Variants in WDR5 observed in about 807,000 individuals in gnomAD.
WDR5 encodes the protein WD repeat domain 5, also known as WD repeat-containing protein 5.
For synonymous variants in WDR5, 144 were observed against 161.6 expected (o/e 0.89, Z 0.83); for missense variants, 187 against 416.9 (o/e 0.45, Z 4.80).
Position 134,140,689 on chromosome 9 carries a change from G to A in WDR5, c.82-14G>A. 1 of 1,612,426 alleles carries A rather than the reference G, an allele frequency of 6.2e-7. No homozygotes were observed. Among genetic ancestry groups the A allele is most frequent in the Non-Finnish European group, 8.5e-7 (1 of 1,178,516 alleles). Reference sequence around the variant, plus strand: ...CAGTGGTGGTGACTTTTTGCTAACTGGTCTTTCCTGCAGCCTACACCTGTG... The same window carrying A: ...CAGTGGTGGTGACTTTTTGCTAACTAGTCTTTCCTGCAGCCTACACCTGTG... On this transcript the variant is annotated splice_polypyrimidine_tract_variant and intron_variant, in intron 2 of 13. Coordinates refer to ENST00000358625, the MANE Select transcript of WDR5 (RefSeq NM_017588.3).
At chr9:134,156,400 C>A in intron 12 of WDR5, 106 bp from the exon 13 acceptor site, 3 of 1,143,280 alleles carry the variant, frequency 2.6e-6, no homozygotes, top group Non-Finnish European at 1.3e-6. Flanking sequence ...CAGCCACCAG[C>A]AGGGTGGGCG....
In WDR5 at chr9:134,136,137, T is replaced by G. The variant is rs1362535733; in HGVS notation, c.-122T>G. On this transcript the variant is annotated 5_prime_UTR_variant, in exon 1 of 14. Coordinates refer to ENST00000358625, the MANE Select transcript of WDR5 (RefSeq NM_017588.3). ...CCGCCTTGTCGAGCTGAGTCCGCGC[T>G]CCCGCCCAGGCGGCGGCCGACGCGA... 2.1e-5 allele frequency: 3 copies of G among 143,994 alleles called. No individual in the cohort carries two copies. Among genetic ancestry groups the G allele is most frequent in the Non-Finnish European group, 3.0e-5 (2 of 65,986 alleles). The allele number at this position is 143,994 out of a possible 1,614,324, so 8.9% of individuals were successfully genotyped here. A position where few individuals can be genotyped will look rare whatever the true frequency, so the allele number is the denominator to read the frequency against.
At chr9:134,151,091 A>G (rs1220866568) in intron 8 of WDR5, among the ~76,000 whole-genome samples, 2 of 152,106 alleles carry the variant, frequency 1.3e-5, no homozygotes, top group African/African-American at 4.8e-5. Flanking sequence ...AGAGGACATG[A>G]ATTTGAGATC....
intron 8 of WDR5, among the ~76,000 whole-genome samples, chr9:134,149,966 T>C (rs1335686014): frequency 6.6e-6 from 1 of 152,174 alleles, no homozygotes; most frequent in East Asian, 1.9e-4. Context: ...GAAAAGGGGA[T>C]TGAAGGCCTG....
chr9:134,150,570 G>GA (rs569511044), intron 8 of WDR5, among the ~76,000 whole-genome samples: 2 of 152,050 alleles, frequency 1.3e-5, no homozygotes, highest in Admixed American at 6.5e-5. Flanking sequence ...GTAAGAAAAT[G>GA]AAAAAATAGT....
intron 7 of WDR5, among the ~76,000 whole-genome samples, chr9:134,143,739 TCTC>T (rs1832021695): frequency 6.6e-6 from 1 of 151,312 alleles, no homozygotes. Flanking sequence ...GTGGTTTCGA[TCTC>T]CTGAGCTCGT....
At chr9:134,142,514 G>A (rs889754373) in intron 6 of WDR5, 92 bp downstream of exon 6, 23 of 1,559,390 alleles carry the variant, frequency 1.5e-5, no homozygotes, top group Non-Finnish European at 1.9e-5. Context: ...GAGAAGGCAG[G>A]TGGGCCCTGA....
rs1463439491 is a variant in WDR5 at position 134,140,823 on chromosome 9, T to C, written c.190+12T>C. ...GCTGGCAAGTTCATGTACGTAGCAC[T>C]GAGGCCCTTAGCTGCTGGGAGAGGC... On this transcript the variant is annotated intron_variant, in intron 3 of 13. Coordinates refer to ENST00000358625, the MANE Select transcript of WDR5 (RefSeq NM_017588.3). 3.1e-6 allele frequency: 5 copies of C among 1,610,798 alleles called. No homozygotes were observed. Among genetic ancestry groups the C allele is most frequent in the Non-Finnish European group, 4.2e-6 (5 of 1,177,126 alleles).
chr9:134,155,847 A>ATACT (rs746706515), intron 12 of WDR5, 80 bp downstream of exon 12: 24 of 1,317,864 alleles, frequency 1.8e-5, no homozygotes, highest in Non-Finnish European at 2.6e-5. Flanking sequence ...AGGTTGCTTT[A>ATACT]TACTCAGAGA....
rs1434455580 is a variant in WDR5 at position 134,157,806 on chromosome 9, C to G, written c.905-87C>G. On this transcript the variant is annotated intron_variant, in intron 13 of 13. Coordinates refer to ENST00000358625, the MANE Select transcript of WDR5 (RefSeq NM_017588.3). This position sits in a 1 kb window ranked among gnomAD's most constrained non-coding sequence, Gnocchi z 5.0. ...TGGCGGGCAGGCGCTACCCGCGTTT[C>G]TGGAGAAAGGTGGAGCTCAGTCTGG... is the stretch of plus-strand genomic sequence containing the variant. 3.0e-6 allele frequency: 4 copies of G among 1,349,228 alleles called. No homozygotes were observed. Among genetic ancestry groups the G allele is most frequent in the Non-Finnish European group, 4.2e-6 (4 of 950,804 alleles). The allele number at this position is 1,349,228 out of a possible 1,614,324, so 83.6% of individuals were successfully genotyped here.
chr9:134,151,913 C>G, intron 8 of WDR5, 70 bp from the exon 9 acceptor site: 1 of 1,510,620 alleles, frequency 6.6e-7, no homozygotes, highest in South Asian at 1.2e-5. Flanking sequence ...AAATTTATAT[C>G]TGACTCCCAG....
intron 7 of WDR5, among the ~76,000 whole-genome samples, chr9:134,146,696 A>G (rs1172137087): frequency 6.6e-6 from 1 of 152,232 alleles, no homozygotes; most frequent in Admixed American, 6.5e-5. Context: ...AGCTGAACAA[A>G]GCAAAGCATG....
At chr9:134,149,631 G>A (rs1259224512) in intron 8 of WDR5, among the ~76,000 whole-genome samples, 1 of 152,186 alleles carries the variant, frequency 6.6e-6, no homozygotes, top group African/African-American at 2.4e-5. Flanking sequence ...CATGGACCTG[G>A]CTCTAAGAAC....
chr9:134,157,446 G>A lies in WDR5; in HGVS notation c.905-447G>A, dbSNP rs1832796216. Among the ~76,000 whole-genome samples the A allele has an allele frequency of 6.6e-6, 1 of 152,158 alleles. No homozygotes were observed. Among genetic ancestry groups the A allele is most frequent in the Non-Finnish European group, 1.5e-5 (1 of 68,012 alleles). ...GTGCTCTGGGGCTTAGCATTGGGGG[G>A]AGGCGGTGGGAGTGGGCGGCTCAGG... is the stretch of plus-strand genomic sequence containing the variant. On this transcript the variant is annotated intron_variant, in intron 13 of 13. Transcript: ENST00000358625. This position sits in a 1 kb window ranked among gnomAD's most constrained non-coding sequence, Gnocchi z 5.0.
rs1167446104 is a variant in WDR5 at position 134,157,689 on chromosome 9, G to T, written c.905-204G>T. Among the ~76,000 whole-genome samples, 3 of 152,022 alleles carry T rather than the reference G, an allele frequency of 2.0e-5. No individual in the cohort carries two copies. The East Asian group carries it at 5.8e-4, about 30-fold the overall frequency. ...CCCCTGTCCCCCAACCGGCTGTGTC[G>T]CCCTGGTACCGGCTGCTGTCCCCTC... On this transcript the variant is annotated intron_variant, in intron 13 of 13. Coordinates refer to ENST00000358625, the MANE Select transcript of WDR5 (RefSeq NM_017588.3). The surrounding 1 kb of genome is among the most constrained non-coding windows in gnomAD (Gnocchi z 5.0).
chr9:134,155,582 CT>C (rs751936189), intron 11 of WDR5, 110 bp from the exon 12 acceptor site: 1 of 1,326,480 alleles, frequency 7.5e-7, no homozygotes, highest in Admixed American at 2.0e-5. Context: ...GGTACTTGTA[CT>C]TTTCAGAAAT....
At chr9:134,138,601 G>C (rs527710235) in intron 1 of WDR5, among the ~76,000 whole-genome samples, 2 of 152,234 alleles carry the variant, frequency 1.3e-5, no homozygotes, top group African/African-American at 2.4e-5. Context: ...TACTGTACTC[G>C]GCCCTAGATG....
intron 8 of WDR5, 115 bp from the exon 9 acceptor site, chr9:134,151,866 CTT>C (rs987527950): frequency 1.7e-5 from 18 of 1,048,380 alleles, no homozygotes; most frequent in Non-Finnish European, 2.5e-5. Context: ...TGAAGCATAA[CTT>C]TTAAAAAAAG....
intron 9 of WDR5, 36 bp from the exon 10 acceptor site, chr9:134,154,430 C>A (rs753565861): frequency 6.2e-7 from 1 of 1,609,668 alleles, no homozygotes; most frequent in East Asian, 2.2e-5. Flanking sequence ...TGGCTGTCAG[C>A]GCCCGCCGTG....
Sources: allele counts gnomAD v4.1 joint callset (sites outside exome capture counted in the v4.1 genomes callset), GRCh38; gene constraint gnomAD v4.1.1; non-coding constraint Gnocchi (gnomAD v3.1); transcripts MANE v1.5; gene names NCBI Gene and HGNC (gene_info 2026-07-23, HGNC 2026-07-21).